MTDH: variants seen among roughly 807,000 people sequenced by gnomAD.
MTDH encodes metadherin.
Under a neutral mutation model 72.7 loss-of-function variants are expected in MTDH, and 34 were observed. The observed-to-expected ratio is 0.47, with a 90% CI of 0.36 to 0.62. The LOEUF (loss-of-function observed/expected upper bound fraction) is 0.62. MTDH is among the 20% of genes least tolerant of loss of function. MTDH has a pLI of 0.00. For synonymous variants in MTDH, 266 were observed against 268.9 expected, an observed-to-expected ratio of 0.99 and a Z score of 0.10; for missense variants, 677 against 699.4, an observed-to-expected ratio of 0.97 and a Z score of 0.36.
At chr8:97,697,067 A>G (rs1813864455) in intron 6 of MTDH, among the ~76,000 whole-genome samples, 1 of 144,466 alleles carries the variant, frequency 6.9e-6, no homozygotes. Flanking sequence ...GCAATGAGCC[A>G]TGATTGCTCC....
chr8:97,711,793 TTACTG>T (rs765955861), intron 8 of MTDH, among the ~76,000 whole-genome samples: 4 of 152,340 alleles, frequency 2.6e-5, no homozygotes, highest in East Asian at 3.9e-4. Flanking sequence ...GTTATAAAAT[TTACTG>T]TAATAAAAGT....
chr8:97,697,160 TG>T lies in MTDH; in HGVS notation c.1049-2593del, dbSNP rs1480415563. The stretch of plus-strand genomic sequence containing the variant: ...TATATATATATATATATTTTTTTTT[TG>T]TGGACCCAGTTTACTAATTTTGTAG... On this transcript the variant is annotated intron_variant, in intron 6 of 11. Transcript: ENST00000336273. Among the ~76,000 whole-genome samples the T allele has an allele frequency of 6.4e-5, 8 of 124,200 alleles. 2 individuals carry two copies. Among genetic ancestry groups the T allele is most frequent in the Non-Finnish European group, 1.1e-4 (7 of 61,522 alleles). The allele number at this position is 124,200 out of a possible 152,430, so 81.5% of individuals were successfully genotyped here. A position where few individuals can be genotyped will look rare whatever the true frequency, so the allele number is the denominator to read the frequency against.
intron 6 of MTDH, among the ~76,000 whole-genome samples, chr8:97,696,642 C>T (rs891174553): frequency 8.5e-5 from 13 of 152,228 alleles, no homozygotes; most frequent in South Asian, 2.1e-4. Flanking sequence ...TTCTGTTCAC[C>T]GTTACTCATC....
intron 3 of MTDH, 107 bp downstream of exon 3, chr8:97,686,859 C>T (rs1813385647): frequency 3.1e-6 from 2 of 645,144 alleles, no homozygotes. Context: ...TTTAGCTCTT[C>T]TTTTTTATTA....
chr8:97,697,923 A>G (rs1283403264), intron 6 of MTDH, among the ~76,000 whole-genome samples: 3 of 152,362 alleles, frequency 2.0e-5, no homozygotes, highest in East Asian at 3.9e-4. Context: ...AAGGAATAGC[A>G]CCAGTGTTAC....
chr8:97,663,477 G>A (rs756425977), intron 2 of MTDH, among the ~76,000 whole-genome samples: 28 of 152,028 alleles, frequency 1.8e-4, no homozygotes, highest in Middle Eastern at 6.8e-3. Flanking sequence ...TGCTGGGCGC[G>A]GTGGCTCACG....
chr8:97,713,875 C>A, intron 9 of MTDH, 106 bp downstream of exon 9: 1 of 515,514 alleles, frequency 1.9e-6, no homozygotes, highest in Non-Finnish European at 3.2e-6. Context: ...CAGTATGAGA[C>A]ATCATTTATT....
chr8:97,721,334 T>C (rs1815114939), intron 10 of MTDH, among the ~76,000 whole-genome samples: 1 of 152,020 alleles, frequency 6.6e-6, no homozygotes, highest in African/African-American at 2.4e-5. Context: ...TCCCAGGTAC[T>C]TGGGGGACTG....
intron 2 of MTDH, among the ~76,000 whole-genome samples, chr8:97,681,288 A>G (rs1367470176): frequency 1.3e-5 from 2 of 152,172 alleles, no homozygotes; most frequent in Non-Finnish European, 2.9e-5. Context: ...CCAGTCTTGT[A>G]GGAATCAAAT....
chr8:97,722,437 T>TA (rs966175225), intron 10 of MTDH, among the ~76,000 whole-genome samples: 15 of 151,708 alleles, frequency 9.9e-5, no homozygotes, highest in African/African-American at 3.6e-4. Context: ...TTGTCTCTAC[T>TA]AAAAACACAA....
At chr8:97,682,269 TATATATA>T (rs1563542531) in intron 2 of MTDH, among the ~76,000 whole-genome samples, 1 of 9,106 alleles carries the variant, frequency 1.1e-4, no homozygotes, top group Non-Finnish European at 2.2e-4. Context: ...TATATATATA[TATATATA>T]TATATTTTTT....
At chr8:97,687,628 A>G (rs763028903) in intron 4 of MTDH, 23 bp downstream of exon 4, 3 of 1,538,812 alleles carry the variant, frequency 1.9e-6, no homozygotes, top group Non-Finnish European at 1.8e-6. Flanking sequence ...AACATAAGAC[A>G]GTGGTACATC....
At chr8:97,723,605 T>C (rs1402691808) in intron 11 of MTDH, among the ~76,000 whole-genome samples, 4 of 147,280 alleles carry the variant, frequency 2.7e-5, no homozygotes, top group East Asian at 2.1e-4. Flanking sequence ...TAGCCGGGCG[T>C]GGTGGCAGGC....
intron 6 of MTDH, 81 bp downstream of exon 6, chr8:97,691,269 A>C (rs1298028070): frequency 8.0e-6 from 8 of 995,526 alleles, no homozygotes; most frequent in Non-Finnish European, 1.1e-5. Flanking sequence ...TAGAAAAAAA[A>C]ACTATGAATA....
At chr8:97,721,609 C>A (rs959414998) in intron 10 of MTDH, among the ~76,000 whole-genome samples, 3 of 152,148 alleles carry the variant, frequency 2.0e-5, no homozygotes, top group South Asian at 2.1e-4. Flanking sequence ...ACCCTTCTTT[C>A]TATGTTCAGG....
intron 10 of MTDH, among the ~76,000 whole-genome samples, chr8:97,721,417 TG>T (rs1815119204): frequency 6.6e-6 from 1 of 152,064 alleles, no homozygotes; most frequent in Non-Finnish European, 1.5e-5. Context: ...CACTCCAGCC[TG>T]GGTGACAGAG....
At chr8:97,667,665 GATA>G (rs1812445089) in intron 2 of MTDH, among the ~76,000 whole-genome samples, 1 of 152,062 alleles carries the variant, frequency 6.6e-6, no homozygotes, top group Non-Finnish European at 1.5e-5. Context: ...TGTTGCAAAT[GATA>G]ACATGACTTG....
intron 2 of MTDH, among the ~76,000 whole-genome samples, chr8:97,679,641 G>C (rs1395509265): frequency 6.6e-6 from 1 of 152,170 alleles, no homozygotes; most frequent in Non-Finnish European, 1.5e-5. Flanking sequence ...CATGTGCATT[G>C]ATATTGCTAT....
chr8:97,671,656 A>G (rs1812629500), intron 2 of MTDH, among the ~76,000 whole-genome samples: 1 of 152,110 alleles, frequency 6.6e-6, no homozygotes, highest in African/African-American at 2.4e-5. Context: ...CAGCCTGGCC[A>G]ACATGAAGAA....
Sources: gnomAD v4.1 joint callset for allele counts (sites outside exome capture counted in the v4.1 genomes callset) on GRCh38, gnomAD v4.1.1 for gene constraint, MANE v1.5 for transcripts, NCBI Gene and HGNC (gene_info 2026-07-23, HGNC 2026-07-21) for gene names.